Variants in CHRM3 observed in about 807,000 individuals in gnomAD.
The protein encoded by CHRM3 is cholinergic receptor muscarinic 3, also known as muscarinic acetylcholine receptor M3.
CHRM3 carries 11 observed loss-of-function variants against 41.8 expected under a neutral mutation model. That is an observed-to-expected ratio of 0.26 (90% CI 0.17 to 0.44). The LOEUF (loss-of-function observed/expected upper bound fraction) is 0.44, where lower values mean the gene tolerates loss of function less well. Among genes scored for constraint, CHRM3 ranks in the 20% least tolerant of loss-of-function variants. CHRM3 has a pLI of 1.00. For missense variants in CHRM3, 571 were observed against 745.4 expected (o/e 0.77, Z 2.72); for synonymous variants, 297 against 301.4 (o/e 0.99, Z 0.15).
At chr1:239,857,764 C>T (rs1387669137) in intron 6 of CHRM3, among the ~76,000 whole-genome samples, 1 of 152,088 alleles carries the variant, frequency 6.6e-6, no homozygotes, top group Non-Finnish European at 1.5e-5. Context: ...TAAATGAAAG[C>T]CAGCCTTTCT....
Position 239,740,340 on chromosome 1 carries a change from C to T in CHRM3, c.-147+62052C>T, listed in dbSNP as rs116429232. On this transcript the variant is annotated intron_variant, in intron 5 of 6. Coordinates refer to ENST00000676153, the MANE Select transcript of CHRM3 (RefSeq NM_001375978.1). Reference sequence around the variant, plus strand: ...ATAAAATTTGGAAGAAAAATTGTTTCTTTTTTTTTTCTCACTATTGTTTAC... The same window carrying T: ...ATAAAATTTGGAAGAAAAATTGTTTTTTTTTTTTTTCTCACTATTGTTTAC... 6.9e-3 allele frequency among the ~76,000 whole-genome samples: 1,007 copies of T among 145,630 alleles called. 10 individuals are homozygous for T. The highest frequency in any genetic ancestry group is 0.026 in the African/African-American group (961 of 37,580).
intron 2 of CHRM3, among the ~76,000 whole-genome samples, chr1:239,532,572 T>C (rs1977746): frequency 0.55 from 80,607 of 146,684 alleles, 22,193 homozygotes; most frequent in Middle Eastern, 0.7. Flanking sequence ...TTGCAGTGAG[T>C]CGAGGTCACG....
chr1:239,770,301 T>C (rs886179237), intron 5 of CHRM3, among the ~76,000 whole-genome samples: 1 of 152,214 alleles, frequency 6.6e-6, no homozygotes, highest in African/African-American at 2.4e-5. Flanking sequence ...CAGATTCATT[T>C]GGCTTTGTGG....
intron 5 of CHRM3, among the ~76,000 whole-genome samples, chr1:239,729,639 G>C (rs562881497): frequency 6.6e-6 from 1 of 152,042 alleles, no homozygotes; most frequent in East Asian, 1.9e-4. Context: ...TGGTGAGATT[G>C]ATGGTGAGAT....
intron 6 of CHRM3, among the ~76,000 whole-genome samples, chr1:239,871,735 A>G (rs1187729500): frequency 2.0e-5 from 3 of 152,126 alleles, no homozygotes; most frequent in Non-Finnish European, 4.4e-5. Context: ...GAGCTACCCA[A>G]CCTAAAAAGG....
At chr1:239,507,924 T>C (rs893952914) in intron 2 of CHRM3, among the ~76,000 whole-genome samples, 12 of 152,196 alleles carry the variant, frequency 7.9e-5, no homozygotes, top group African/African-American at 2.9e-4. Flanking sequence ...GAAGTCACAA[T>C]TGGAGAAAAT....
At chr1:239,525,532 A>G (rs1353568888) in intron 2 of CHRM3, among the ~76,000 whole-genome samples, 2 of 152,132 alleles carry the variant, frequency 1.3e-5, no homozygotes, top group East Asian at 3.8e-4. Flanking sequence ...TTTACTTAGG[A>G]TCTGATCCCA....
intron 4 of CHRM3, among the ~76,000 whole-genome samples, chr1:239,676,103 AC>A (rs1657976827): frequency 6.6e-6 from 1 of 152,108 alleles, no homozygotes; most frequent in Non-Finnish European, 1.5e-5. Context: ...TTCTTTTTCT[AC>A]CTGAATAGAC....
chr1:239,541,241 A>C (rs1658744388), intron 2 of CHRM3, among the ~76,000 whole-genome samples: 1 of 152,036 alleles, frequency 6.6e-6, no homozygotes, highest in African/African-American at 2.4e-5. Flanking sequence ...TCAAGAAAAA[A>C]ATTCTCTATT....
intron 3 of CHRM3, among the ~76,000 whole-genome samples, chr1:239,612,787 G>A (rs945088155): frequency 6.6e-6 from 1 of 152,152 alleles, no homozygotes; most frequent in Non-Finnish European, 1.5e-5. Context: ...CCAAACAGCT[G>A]CGTAGAACTG....
At chr1:239,875,893 C>T (rs74149265) in intron 6 of CHRM3, among the ~76,000 whole-genome samples, 2,661 of 152,252 alleles carry the variant, frequency 0.017, 87 homozygotes, top group African/African-American at 0.06. Flanking sequence ...CCCCCATTCC[C>T]AGATCAGAGC....
chr1:239,525,376 G>A (rs1389199111), intron 2 of CHRM3, among the ~76,000 whole-genome samples: 1 of 152,236 alleles, frequency 6.6e-6, no homozygotes, highest in East Asian at 1.9e-4. Context: ...TACTTCCCTA[G>A]CACATGACAT....
At chr1:239,677,290 T>A (rs958263039) in intron 4 of CHRM3, among the ~76,000 whole-genome samples, 1 of 152,236 alleles carries the variant, frequency 6.6e-6, no homozygotes, top group Admixed American at 6.5e-5. Flanking sequence ...TCATATTATT[T>A]GCTTAGTAAA....
chr1:239,552,688 A>G (rs1659990291), intron 3 of CHRM3, among the ~76,000 whole-genome samples: 1 of 149,178 alleles, frequency 6.7e-6, no homozygotes, highest in Admixed American at 6.7e-5. Flanking sequence ...ACGGGGTTTC[A>G]CTTAATTGCC....
At chr1:239,877,649 C>G (rs1461958644) in intron 6 of CHRM3, among the ~76,000 whole-genome samples, 1 of 152,078 alleles carries the variant, frequency 6.6e-6, no homozygotes, top group East Asian at 1.9e-4. Context: ...TTTCTTAAGG[C>G]CGTACAGCTC....
intron 6 of CHRM3, chr1:239,886,038 A>G (rs1185873665): frequency 6.6e-6 from 1 of 152,216 alleles, no homozygotes; most frequent in Non-Finnish European, 1.5e-5. Flanking sequence ...AACATTTAAT[A>G]CCACATAAGC....
intron 3 of CHRM3, among the ~76,000 whole-genome samples, chr1:239,574,687 TCCA>T (rs1233719816): frequency 1.6e-4 from 24 of 152,152 alleles, no homozygotes; most frequent in Non-Finnish European, 2.8e-4. Flanking sequence ...TTTTATTCCC[TCCA>T]CCATATATTA....
intron 1 of CHRM3, among the ~76,000 whole-genome samples, chr1:239,473,932 G>A (rs1666302491): frequency 6.6e-6 from 1 of 151,804 alleles, no homozygotes; most frequent in Non-Finnish European, 1.5e-5. Flanking sequence ...TCTGAGGAGA[G>A]CAACTGAGAA....
chr1:239,640,119 T>C (rs1358252828), intron 4 of CHRM3, among the ~76,000 whole-genome samples: 2 of 151,462 alleles, frequency 1.3e-5, no homozygotes, highest in Non-Finnish European at 3.0e-5. Context: ...TGAAGCCCAC[T>C]TGATCATGGT....
Sources: allele counts gnomAD v4.1 joint callset (sites outside exome capture counted in the v4.1 genomes callset), GRCh38; gene constraint gnomAD v4.1.1; transcripts MANE v1.5; gene names NCBI Gene and HGNC (gene_info 2026-07-23, HGNC 2026-07-21).